NTM: variants seen among roughly 807,000 people sequenced by gnomAD.
NTM encodes neurotrimin, also known as IgLON family member 2.
NTM carries 13 observed loss-of-function variants against 42.1 expected under a neutral mutation model. That is an observed-to-expected ratio of 0.31 (90% CI 0.20 to 0.49). The LOEUF is 0.49. Ranked by LOEUF, NTM falls within the 20% of genes least tolerant of loss-of-function variation. The probability of loss-of-function intolerance (pLI) is 0.99; values close to 1 mark genes in which losing one functional copy is unlikely to be tolerated. For missense variants in NTM, 373 were observed against 452.8 expected (o/e 0.82, Z 1.60); for synonymous variants, 187 against 179.2 (o/e 1.04, Z -0.35).
At chr11:131,932,912 G>A (rs919075896) in intron 2 of NTM, among the ~76,000 whole-genome samples, 2 of 152,096 alleles carry the variant, frequency 1.3e-5, no homozygotes, top group African/African-American at 2.4e-5. Context: ...AGCAATGGCC[G>A]GTGAATAAGC....
At chr11:131,873,076 A>T (rs2047964771) in intron 1 of NTM, among the ~76,000 whole-genome samples, 1 of 152,194 alleles carries the variant, frequency 6.6e-6, no homozygotes, top group South Asian at 2.1e-4. Context: ...TGTTTATTGC[A>T]GCACCATTTA....
rs1342672854 is a variant in NTM at position 132,336,803 on chromosome 11, G to C, written c.*1657G>C. On this transcript the variant is annotated 3_prime_UTR_variant, in exon 9 of 9. Coordinates refer to ENST00000683400, the MANE Select transcript of NTM (RefSeq NM_001352005.2). ...GTTGTCTCTGACTTGACATTAAAAA[G>C]TGTTCCATGTCCCTCTTCACCTGGT... 6.6e-6 allele frequency: 1 copy of C among 152,178 alleles called. No homozygotes were observed. The highest frequency in any genetic ancestry group is 1.5e-5 in the Non-Finnish European group (1 of 68,080). 9.4% of individuals were successfully genotyped at this position (152,178 alleles called of 1,614,324 possible).
intron 4 of NTM, among the ~76,000 whole-genome samples, chr11:132,300,380 C>G (rs569965851): frequency 6.6e-6 from 1 of 152,254 alleles, no homozygotes; most frequent in African/African-American, 2.4e-5. Context: ...CTTATGTTCT[C>G]CATTTTACAG....
chr11:132,304,544 T>C (rs1405804740), intron 4 of NTM, among the ~76,000 whole-genome samples: 1 of 152,204 alleles, frequency 6.6e-6, no homozygotes, highest in Non-Finnish European at 1.5e-5. Context: ...GAAAGTCAGA[T>C]TGCAGTTTAG....
intron 1 of NTM, among the ~76,000 whole-genome samples, chr11:131,476,990 C>A (rs1212333675): frequency 1.3e-5 from 2 of 152,074 alleles, no homozygotes; most frequent in African/African-American, 4.8e-5. Context: ...GCTATGCATA[C>A]CCCGCACCCC....
At chr11:132,212,827 A>G (rs935099643) in intron 4 of NTM, among the ~76,000 whole-genome samples, 10 of 152,176 alleles carry the variant, frequency 6.6e-5, no homozygotes, top group Admixed American at 5.9e-4. Flanking sequence ...AGATAAAAAT[A>G]TTTCATTCTT....
rs114586296 is a variant in NTM, at chr11:131,939,024, C to T, written c.167+27376C>T. Among the ~76,000 whole-genome samples, 1,301 of 152,122 alleles carry T rather than the reference C, an allele frequency of 8.6e-3. 15 individuals are homozygous for T. The highest frequency in any genetic ancestry group is 0.029 in the African/African-American group (1,194 of 41,502). On this transcript the variant is annotated intron_variant, in intron 2 of 8. Transcript: ENST00000683400. The stretch of plus-strand genomic sequence containing the variant: ...CAGATGGATTTATGATTGCAAAGCT[C>T]GGGAAAGAGATGAGACTTGGGGATT...
chr11:131,566,700 A>G (rs766230431), intron 1 of NTM, among the ~76,000 whole-genome samples: 30 of 152,196 alleles, frequency 2.0e-4, no homozygotes, highest in African/African-American at 7.0e-4. Context: ...TAAAACTCTT[A>G]AAAGGATAAT....
At chr11:131,408,723 G>T (rs1188001174) in intron 1 of NTM, among the ~76,000 whole-genome samples, 1 of 152,114 alleles carries the variant, frequency 6.6e-6, no homozygotes, top group African/African-American at 2.4e-5. Context: ...TCAAGCCCAA[G>T]TTCATCAGTG....
At chr11:131,734,501 G>A (rs531765757) in intron 1 of NTM, among the ~76,000 whole-genome samples, 2 of 152,246 alleles carry the variant, frequency 1.3e-5, no homozygotes, top group Non-Finnish European at 2.9e-5. Flanking sequence ...CTAGGTAGAG[G>A]AACCCAGATA....
At chr11:131,770,249 A>T (rs1361276621) in intron 1 of NTM, among the ~76,000 whole-genome samples, 1 of 152,244 alleles carries the variant, frequency 6.6e-6, no homozygotes, top group Non-Finnish European at 1.5e-5. Flanking sequence ...CCCGCTGAGC[A>T]GCCCAGACCT....
intron 1 of NTM, chr11:131,911,126 G>C: frequency 8.1e-7 from 1 of 1,235,610 alleles, no homozygotes; most frequent in Non-Finnish European, 1.0e-6. Flanking sequence ...CCAAAGTGCC[G>C]TGTCTGAACT....
intron 1 of NTM, among the ~76,000 whole-genome samples, chr11:131,628,821 G>T (rs1478190907): frequency 2.0e-5 from 3 of 152,224 alleles, no homozygotes; most frequent in African/African-American, 7.2e-5. Flanking sequence ...CCGAAAGGGG[G>T]CCCTGAGGAA....
intron 1 of NTM, among the ~76,000 whole-genome samples, chr11:131,830,186 T>G (rs1289255712): frequency 6.6e-6 from 1 of 152,176 alleles, no homozygotes; most frequent in Non-Finnish European, 1.5e-5. Flanking sequence ...TTGATTAAGT[T>G]CCACTTGTCG....
intron 1 of NTM, among the ~76,000 whole-genome samples, chr11:131,562,454 G>T (rs929312698): frequency 1.3e-5 from 2 of 152,156 alleles, no homozygotes; most frequent in Non-Finnish European, 2.9e-5. Context: ...GATGGTATTT[G>T]TCAGTTGCTA....
chr11:132,248,443 T>C (rs1008254573), intron 4 of NTM, among the ~76,000 whole-genome samples: 3 of 152,126 alleles, frequency 2.0e-5, no homozygotes, highest in Non-Finnish European at 4.4e-5. Flanking sequence ...ATGACTGTTA[T>C]TTAAAATGGC....
At chr11:131,577,492 G>C (rs1245644363) in intron 1 of NTM, among the ~76,000 whole-genome samples, 2 of 152,226 alleles carry the variant, frequency 1.3e-5, no homozygotes, top group Non-Finnish European at 2.9e-5. Flanking sequence ...TACAACTCCA[G>C]ACAGGCAGAT....
intron 1 of NTM, among the ~76,000 whole-genome samples, chr11:131,457,617 C>A (rs923946432): frequency 2.0e-5 from 3 of 151,992 alleles, no homozygotes; most frequent in Non-Finnish European, 4.4e-5. Flanking sequence ...GGTAGCAAAA[C>A]GGATACGTTA....
At chr11:132,204,622 G>A (rs1029574476) in intron 3 of NTM, among the ~76,000 whole-genome samples, 1 of 152,182 alleles carries the variant, frequency 6.6e-6, no homozygotes, top group Non-Finnish European at 1.5e-5. Flanking sequence ...TGGGCTTGAG[G>A]CATTTGAAGA....
Sources: gnomAD v4.1 joint callset for allele counts (sites outside exome capture counted in the v4.1 genomes callset) on GRCh38, gnomAD v4.1.1 for gene constraint, MANE v1.5 for transcripts, NCBI Gene and HGNC (gene_info 2026-07-23, HGNC 2026-07-21) for gene names.